The following CNTNAP2 variants were observed in gnomAD, a reference collection of about 807,000 sequenced individuals.
CNTNAP2 encodes the protein contactin associated protein 2.
CNTNAP2 carries 98 observed loss-of-function variants against 155.2 expected under a neutral mutation model. The ratio of observed to expected loss-of-function variants is 0.63; its 90% CI spans 0.54 to 0.75. The LOEUF is 0.75. Among genes scored for constraint, CNTNAP2 ranks in the 30% least tolerant of loss-of-function variants. The pLI, the probability that CNTNAP2 is intolerant of heterozygous loss-of-function variation, is 0.00. For synonymous variants in CNTNAP2, 651 were observed against 631.2 expected (o/e 1.03, Z -0.47); for missense variants, 1,727 against 1,688.1 (o/e 1.02, Z -0.40).
At chr7:147,680,265 T>C (rs1245826810) in intron 13 of CNTNAP2, among the ~76,000 whole-genome samples, 1 of 151,940 alleles carries the variant, frequency 6.6e-6, no homozygotes. Context: ...GGTACTGCAC[T>C]TGTCCCACTA....
intron 8 of CNTNAP2, among the ~76,000 whole-genome samples, chr7:147,154,244 G>A (rs571457165): frequency 2.0e-5 from 3 of 152,258 alleles, no homozygotes; most frequent in Non-Finnish European, 2.9e-5. Context: ...GAATAAGCAA[G>A]ATCAGAGTAA....
At chr7:148,305,221 TCA>T (rs1797468753) in intron 21 of CNTNAP2, among the ~76,000 whole-genome samples, 1 of 28,132 alleles carries the variant, frequency 3.6e-5, no homozygotes, top group African/African-American at 1.6e-4. Context: ...AGGCCCTGTC[TCA>T]AAAAAAAAAA....
intron 1 of CNTNAP2, among the ~76,000 whole-genome samples, chr7:146,622,535 A>G (rs1273758103): frequency 3.3e-5 from 5 of 152,094 alleles, no homozygotes; most frequent in African/African-American, 1.2e-4. Context: ...ATTCATCTGT[A>G]TGTATATTTA....
chr7:147,901,703 G>A (rs1044419797), intron 13 of CNTNAP2, among the ~76,000 whole-genome samples: 5 of 152,142 alleles, frequency 3.3e-5, no homozygotes, highest in African/African-American at 9.7e-5. Context: ...TCCTCTGGGA[G>A]ACCTTCCTTT....
At chr7:148,304,551 C>A (rs1212817919) in intron 21 of CNTNAP2, among the ~76,000 whole-genome samples, 2 of 152,156 alleles carry the variant, frequency 1.3e-5, no homozygotes, top group Non-Finnish European at 2.9e-5. Context: ...GCCATAGAGT[C>A]TCTGTTGCAG....
intron 12 of CNTNAP2, among the ~76,000 whole-genome samples, chr7:147,623,198 A>G (rs937855135): frequency 6.6e-6 from 1 of 152,144 alleles, no homozygotes; most frequent in African/African-American, 2.4e-5. Context: ...CTGGAACATG[A>G]CAAGGATGCC....
At chr7:147,672,373 CAATATTAG>C (rs1238216861) in intron 13 of CNTNAP2, 10 of 152,058 alleles carry the variant, frequency 6.6e-5, no homozygotes. Flanking sequence ...GCTTTAGATC[CAATATTAG>C]AATATTAGAG....
chr7:146,232,365 T>C (rs1799400809), intron 1 of CNTNAP2, among the ~76,000 whole-genome samples: 1 of 151,830 alleles, frequency 6.6e-6, no homozygotes, highest in African/African-American at 2.4e-5. Context: ...TGACATAGTT[T>C]TTCCTCTGGA....
chr7:147,088,399 T>A (rs1800325813), intron 4 of CNTNAP2, among the ~76,000 whole-genome samples: 1 of 152,168 alleles, frequency 6.6e-6, no homozygotes. Flanking sequence ...AAAATAGATG[T>A]TTTAAAGTTG....
At chr7:147,641,098 T>G (rs1795268456) in intron 13 of CNTNAP2, among the ~76,000 whole-genome samples, 1 of 152,210 alleles carries the variant, frequency 6.6e-6, no homozygotes, top group Non-Finnish European at 1.5e-5. Context: ...TGGCCGGTAT[T>G]TGCACATCAA....
At chr7:146,421,715 G>T (rs1415854810) in intron 1 of CNTNAP2, among the ~76,000 whole-genome samples, 1 of 151,830 alleles carries the variant, frequency 6.6e-6, no homozygotes, top group African/African-American at 2.4e-5. Context: ...AAGTGAATAT[G>T]CTAGAACCAT....
intron 8 of CNTNAP2, among the ~76,000 whole-genome samples, chr7:147,293,012 C>A (rs747704134): frequency 6.6e-6 from 1 of 152,170 alleles, no homozygotes; most frequent in Non-Finnish European, 1.5e-5. Context: ...GGGTGATATG[C>A]CCGCTTCTGC....
chr7:146,286,984 G>A (rs1227522033), intron 1 of CNTNAP2, among the ~76,000 whole-genome samples: 1 of 151,954 alleles, frequency 6.6e-6, no homozygotes, highest in Non-Finnish European at 1.5e-5. Context: ...CCCCAAAACA[G>A]GTGATGAGAA....
At chr7:147,586,544 AG>A (rs1469049799) in intron 12 of CNTNAP2, among the ~76,000 whole-genome samples, 45 of 27,614 alleles carry the variant, frequency 1.6e-3, no homozygotes, top group Middle Eastern at 0.022. Context: ...GAAGGAAGGA[AG>A]GGAGGGAGGG....
intron 1 of CNTNAP2, among the ~76,000 whole-genome samples, chr7:146,356,858 T>C (rs1795005794): frequency 6.6e-6 from 1 of 152,162 alleles, no homozygotes; most frequent in Non-Finnish European, 1.5e-5. Context: ...CATTTTCCTT[T>C]AAGCTCCTAA....
chr7:146,225,342 T>C (rs1054563116), intron 1 of CNTNAP2, among the ~76,000 whole-genome samples: 19 of 152,276 alleles, frequency 1.2e-4, no homozygotes, highest in African/African-American at 4.3e-4. Context: ...ATATATCACA[T>C]CCAGGAAGAA....
chr7:148,229,827 C>G, intron 20 of CNTNAP2, 48 bp downstream of exon 20: 1 of 1,603,080 alleles, frequency 6.2e-7, no homozygotes, highest in Admixed American at 1.7e-5. Flanking sequence ...GCATTATAGT[C>G]CCTGTCCCTA....
At chr7:148,389,389 A>T (rs982814859) in intron 22 of CNTNAP2, among the ~76,000 whole-genome samples, 5 of 152,126 alleles carry the variant, frequency 3.3e-5, no homozygotes, top group African/African-American at 7.2e-5. Context: ...GCTGCCATCC[A>T]TGTAAGACAT....
chr7:147,842,725 A>C (rs1417564922), intron 13 of CNTNAP2, among the ~76,000 whole-genome samples: 1 of 89,028 alleles, frequency 1.1e-5, no homozygotes, highest in Non-Finnish European at 2.2e-5. Context: ...TATATCTCCC[A>C]ATGCTATCCC....
Sources: allele counts gnomAD v4.1 joint callset (sites outside exome capture counted in the v4.1 genomes callset), GRCh38; gene constraint gnomAD v4.1.1; transcripts MANE v1.5; gene names NCBI Gene and HGNC (gene_info 2026-07-23, HGNC 2026-07-21).